The following LRMDA variants were observed in gnomAD, a reference collection of about 807,000 sequenced individuals.
LRMDA encodes leucine-rich melanocyte differentiation-associated protein.
A neutral mutation model predicts 29.8 loss-of-function variants in LRMDA; 18 were observed. That is an observed-to-expected ratio of 0.60 (90% CI 0.42 to 0.90). The LOEUF is 0.90. Among genes scored for constraint, LRMDA ranks in the 40% least tolerant of loss-of-function variants. The pLI is 0.00. For missense variants in LRMDA, 273 were observed against 273.9 expected, an observed-to-expected ratio of 1.00 and a Z score of 0.02; for synonymous variants, 125 against 109.4, an observed-to-expected ratio of 1.14 and a Z score of -0.89.
intron 5 of LRMDA, among the ~76,000 whole-genome samples, chr10:76,228,631 A>T (rs1183587462): frequency 6.6e-6 from 1 of 152,116 alleles, no homozygotes; most frequent in East Asian, 1.9e-4. Flanking sequence ...GGGCCACAGG[A>T]GTGGGGTTGG....
chr10:75,813,615 A>G (rs1393059375), intron 2 of LRMDA, among the ~76,000 whole-genome samples: 1 of 152,098 alleles, frequency 6.6e-6, no homozygotes, highest in Non-Finnish European at 1.5e-5. Context: ...GATACGCGTT[A>G]CTCCACAGGT....
intron 5 of LRMDA, among the ~76,000 whole-genome samples, chr10:76,281,455 A>G (rs1840203431): frequency 6.6e-6 from 1 of 151,830 alleles, no homozygotes; most frequent in Non-Finnish European, 1.5e-5. Context: ...CCTATTGAAA[A>G]CCCTAATTCT....
chr10:75,941,816 G>A (rs72811498), intron 2 of LRMDA, among the ~76,000 whole-genome samples: 1,846 of 152,194 alleles, frequency 0.012, 22 homozygotes, highest in South Asian at 0.021. Context: ...TTGAGGAATA[G>A]GACTCAGCTC....
chr10:76,188,802 T>A (rs1851192084), intron 5 of LRMDA, among the ~76,000 whole-genome samples: 1 of 152,144 alleles, frequency 6.6e-6, no homozygotes, highest in East Asian at 1.9e-4. Context: ...TGAAACTTGT[T>A]ACAAAGAATA....
chr10:76,207,410 G>A (rs1024509958), intron 5 of LRMDA, among the ~76,000 whole-genome samples: 3 of 152,214 alleles, frequency 2.0e-5, no homozygotes, highest in African/African-American at 7.2e-5. Flanking sequence ...GCCCTGGGAA[G>A]GGGGCTGGGA....
chr10:75,768,492 A>T (rs1843197577), intron 2 of LRMDA, among the ~76,000 whole-genome samples: 1 of 152,194 alleles, frequency 6.6e-6, no homozygotes, highest in South Asian at 2.1e-4. Context: ...GAATGTAAGT[A>T]TTTCAGATCC....
intron 5 of LRMDA, among the ~76,000 whole-genome samples, chr10:76,086,662 G>A (rs768232615): frequency 1.3e-5 from 2 of 152,150 alleles, no homozygotes; most frequent in African/African-American, 2.4e-5. Context: ...GAGAGAGAGC[G>A]TTTTACTCTC....
intron 2 of LRMDA, among the ~76,000 whole-genome samples, chr10:75,680,278 A>G (rs1842008368): frequency 6.6e-6 from 1 of 152,256 alleles, no homozygotes; most frequent in Admixed American, 6.5e-5. Flanking sequence ...GGATGCTGGT[A>G]GGATTTAGCC....
chr10:75,745,951 G>C (rs1205173640), intron 2 of LRMDA, among the ~76,000 whole-genome samples: 1 of 152,162 alleles, frequency 6.6e-6, no homozygotes, highest in Non-Finnish European at 1.5e-5. Flanking sequence ...GTACCACACA[G>C]GTATCACATT....
At position 76,513,860 on chromosome 10, in the gene LRMDA, C is replaced by T. The variant is rs1293241748; in HGVS notation, c.602-43349C>T. On this transcript the variant is annotated intron_variant, in intron 6 of 6. Transcript: ENST00000611255. ...ATGAACTGTTCCTAGGAGTGTAGACCTCAGTATGCCACAGGGTGACTGTTT... is the reference window on the plus strand; with the variant it reads ...ATGAACTGTTCCTAGGAGTGTAGACTTCAGTATGCCACAGGGTGACTGTTT... Among the ~76,000 whole-genome samples the T allele has an allele frequency of 7.2e-5, 11 of 152,236 alleles. No homozygotes were observed. In the East Asian group the frequency reaches 2.1e-3, roughly 29 times the overall value.
At chr10:75,650,031 A>G (rs765663181) in intron 2 of LRMDA, among the ~76,000 whole-genome samples, 2 of 152,116 alleles carry the variant, frequency 1.3e-5, no homozygotes, top group Non-Finnish European at 2.9e-5. Flanking sequence ...CCCTTATCAG[A>G]TATGTGATTT....
chr10:76,420,795 T>A (rs541325586), intron 6 of LRMDA, among the ~76,000 whole-genome samples: 2 of 152,276 alleles, frequency 1.3e-5, no homozygotes, highest in Non-Finnish European at 2.9e-5. Flanking sequence ...TTTAGAAGTA[T>A]GTAGCTTAAT....
chr10:76,110,928 G>A (rs1222092437), intron 5 of LRMDA, among the ~76,000 whole-genome samples: 1 of 152,062 alleles, frequency 6.6e-6, no homozygotes, highest in African/African-American at 2.4e-5. Context: ...CTACAGCCCA[G>A]CTCCATCTTA....
intron 5 of LRMDA, among the ~76,000 whole-genome samples, chr10:76,097,613 A>C (rs1473095342): frequency 6.6e-6 from 1 of 152,090 alleles, no homozygotes; most frequent in Non-Finnish European, 1.5e-5. Context: ...AGTTTGCTGA[A>C]AGTTTTTATC....
chr10:76,180,271 A>G (rs1413712291), intron 5 of LRMDA, among the ~76,000 whole-genome samples: 1 of 147,452 alleles, frequency 6.8e-6, no homozygotes, highest in Admixed American at 6.9e-5. Context: ...ACTGCTTTGG[A>G]AAAAACTTTT....
At chr10:76,464,897 A>G (rs1165437196) in intron 6 of LRMDA, 1 of 152,128 alleles carries the variant, frequency 6.6e-6, no homozygotes, top group Non-Finnish European at 1.5e-5. Flanking sequence ...CGGGAAGACA[A>G]TAGGGCACAT....
At chr10:75,995,593 C>T (rs962660602) in intron 2 of LRMDA, among the ~76,000 whole-genome samples, 1 of 152,214 alleles carries the variant, frequency 6.6e-6, no homozygotes, top group African/African-American at 2.4e-5. Context: ...AAATTACTAG[C>T]TCTTGCCATA....
At chr10:75,628,607 G>A (rs1388843311) in intron 2 of LRMDA, among the ~76,000 whole-genome samples, 2 of 152,216 alleles carry the variant, frequency 1.3e-5, no homozygotes, top group Non-Finnish European at 2.9e-5. Flanking sequence ...AAACAATTCA[G>A]TCATTTTCAT....
intron 2 of LRMDA, among the ~76,000 whole-genome samples, chr10:75,949,720 G>A (rs1846540093): frequency 6.6e-6 from 1 of 152,118 alleles, no homozygotes; most frequent in African/African-American, 2.4e-5. Context: ...GGCACAACAG[G>A]CTTTGAAAAC....
Sources: allele counts gnomAD v4.1 joint callset (sites outside exome capture counted in the v4.1 genomes callset), GRCh38; gene constraint gnomAD v4.1.1; transcripts MANE v1.5; gene names NCBI Gene and HGNC (gene_info 2026-07-23, HGNC 2026-07-21).